Variants in CIB3 observed in about 807,000 individuals in gnomAD.
The protein encoded by CIB3 is calcium and integrin-binding family member 3.
A neutral mutation model predicts 23.4 loss-of-function variants in CIB3; 22 were observed. That is an observed-to-expected ratio of 0.94 (90% CI 0.67 to 1.34). The LOEUF (loss-of-function observed/expected upper bound fraction) is 1.34. Among genes scored for constraint, CIB3 ranks in the 40% most tolerant of loss-of-function variants. The probability of loss-of-function intolerance (pLI) is 0.00; values close to 1 mark genes in which losing one functional copy is unlikely to be tolerated. For synonymous variants in CIB3, 93 were observed against 95.8 expected, an observed-to-expected ratio of 0.97 and a Z score of 0.17; for missense variants, 258 against 247.3, an observed-to-expected ratio of 1.04 and a Z score of -0.29.
At chr19:16,164,696 G>A (rs891041135) in intron 5 of CIB3, 22 bp downstream of exon 5, 11 of 1,607,172 alleles carry the variant, frequency 6.8e-6, no homozygotes, top group Non-Finnish European at 9.4e-6. Flanking sequence ...AATGGACTGT[G>A]GGCGGTGACG....
At chr19:16,173,041 TACACACACACAC>T (rs3076227) in intron 2 of CIB3, 109 bp downstream of exon 2, 614 of 784,018 alleles carry the variant, frequency 7.8e-4, no homozygotes, top group Middle Eastern at 2.3e-3. Context: ...AAAGACTACT[TACACACACACAC>T]ACACACACAC....
intron 5 of CIB3, among the ~76,000 whole-genome samples, chr19:16,164,190 G>A (rs952284727): frequency 6.6e-6 from 1 of 152,128 alleles, no homozygotes; most frequent in African/African-American, 2.4e-5. Flanking sequence ...CCCCAGTTTG[G>A]TCTCAAGCTC....
chr19:16,168,084 T>TCC, intron 4 of CIB3, 53 bp downstream of exon 4: 2 of 1,540,696 alleles, frequency 1.3e-6, no homozygotes, highest in Middle Eastern at 2.3e-4. Context: ...CCCACCCAGT[T>TCC]CCCACTCCCC....
intron 3 of CIB3, 78 bp downstream of exon 3, chr19:16,169,547 AACTGC>A: frequency 1.7e-6 from 2 of 1,208,346 alleles, no homozygotes; most frequent in Non-Finnish European, 2.4e-6. Context: ...AAATGGGGAT[AACTGC>A]AGCACTGACC....
At chr19:16,169,831 G>C (rs901247933) in intron 2 of CIB3, 90 bp from the exon 3 acceptor site, 1 of 1,094,978 alleles carries the variant, frequency 9.1e-7, no homozygotes, top group Non-Finnish European at 1.3e-6. Context: ...ACAGAGTCTC[G>C]GTCTGTCACC....
intron 3 of CIB3, among the ~76,000 whole-genome samples, chr19:16,169,229 C>T (rs969496843): frequency 2.6e-5 from 4 of 152,090 alleles, no homozygotes; most frequent in African/African-American, 4.8e-5. Flanking sequence ...CTGCAACCTC[C>T]ACCTCCTGAG....
intron 5 of CIB3, among the ~76,000 whole-genome samples, chr19:16,162,099 CATT>C (rs898856116): frequency 6.6e-6 from 1 of 151,940 alleles, no homozygotes; most frequent in Admixed American, 6.6e-5. Flanking sequence ...GCTCATCATA[CATT>C]ATATGTATCG....
chr19:16,168,977 C>T (rs2091317009), intron 3 of CIB3, among the ~76,000 whole-genome samples: 1 of 152,180 alleles, frequency 6.6e-6, no homozygotes, highest in Admixed American at 6.5e-5. Flanking sequence ...AGGCACAAAC[C>T]ATGTGTCAAA....
Position 16,164,779 on chromosome 19 carries a change from C to T in CIB3, c.481G>A (p.Asp161Asn). Reference protein sequence around the residue: ...KVLDEADGDHDGRLSLEDFQN... With the variant: ...KVLDEADGDHNGRLSLEDFQN... ...AAATCTTCCAGGGACAGCCGCCCAT[C>T]ATGGTCTCCATCAGCCTCATCCAGC... is the stretch of plus-strand genomic sequence containing the variant. The change falls in exon 5 of 6, where the codon GAT (aspartate) becomes AAT (asparagine). Residue 161 changes from aspartate to asparagine, a missense_variant. Physicochemically the swap from Asp to Asn is conservative, Grantham distance 23 (BLOSUM62 1). Transcript: ENST00000269878. The T allele has an allele frequency of 6.2e-7, 1 of 1,614,088 alleles. No homozygotes were observed. The highest frequency in any genetic ancestry group is 2.2e-5 in the East Asian group (1 of 44,856).
chr19:16,164,772 C>A lies in CIB3; in HGVS notation c.488G>T (p.Arg163Leu). 1 of 1,614,030 alleles carries A rather than the reference C, an allele frequency of 6.2e-7. No individual in the cohort carries two copies. The highest frequency in any genetic ancestry group is 8.5e-7 in the Non-Finnish European group (1 of 1,180,002). ...LDEADGDHDGRLSLEDFQNMI... is the reference protein window; with the variant it reads ...LDEADGDHDGLLSLEDFQNMI... ...GTTCTGGAAATCTTCCAGGGACAGC[C>A]GCCCATCATGGTCTCCATCAGCCTC... Residue 163 changes from arginine (R) to leucine (L), a missense_variant, in exon 5 of 6, where the codon CGG becomes CTG. Arg to Leu is a moderately radical substitution (Grantham distance 102, BLOSUM62 -2). Transcript: ENST00000269878.
rs1255792343 is a variant in CIB3 at position 16,163,246 on chromosome 19, G to A, written c.542+1472C>T. 5.3e-5 allele frequency among the ~76,000 whole-genome samples: 8 copies of A among 152,190 alleles called. No homozygotes were observed. In the South Asian group the frequency reaches 1.7e-3, roughly 32 times the overall value. On this transcript the variant is annotated intron_variant, in intron 5 of 5. Coordinates refer to ENST00000269878, the MANE Select transcript of CIB3 (RefSeq NM_054113.4). The stretch of plus-strand genomic sequence containing the variant: ...TGCACTGCAGTCTGGGTCACTGAGT[G>A]AGACCCTGTCTCAAAACAAACAAAC...
chr19:16,161,673 CTTTTTT>C (rs55969649), intron 5 of CIB3, among the ~76,000 whole-genome samples, 187 bp from the exon 6 acceptor site: 7 of 100,050 alleles, frequency 7.0e-5, no homozygotes, highest in South Asian at 7.2e-4. Flanking sequence ...TTTTTTAATT[CTTTTTT>C]TTTTTTTTTT....
At chr19:16,170,026 T>C (rs1379276985) in intron 2 of CIB3, among the ~76,000 whole-genome samples, 2 of 152,198 alleles carry the variant, frequency 1.3e-5, no homozygotes, top group Non-Finnish European at 2.9e-5. Flanking sequence ...CTCAAACTCC[T>C]GACCTCAGAT....
intron 5 of CIB3, among the ~76,000 whole-genome samples, chr19:16,162,819 A>G (rs1298118630): frequency 1.3e-5 from 2 of 151,756 alleles, no homozygotes; most frequent in East Asian, 1.9e-4. Flanking sequence ...AGCCAGGCAC[A>G]GTGGCACGTA....
chr19:16,162,777 T>A (rs778477631), intron 5 of CIB3, among the ~76,000 whole-genome samples: 72 of 151,580 alleles, frequency 4.7e-4, no homozygotes, highest in African/African-American at 5.3e-4. Context: ...TAAAATAAAT[T>A]AATTAATTAA....
Position 16,169,748 on chromosome 19 carries a change from T to C in CIB3, c.87-7A>G. On this transcript the variant is annotated splice_region_variant and splice_polypyrimidine_tract_variant and intron_variant, in intron 2 of 5. Coordinates refer to ENST00000269878, the MANE Select transcript of CIB3 (RefSeq NM_054113.4). ...CTGGTAGCGATAGAAGAGCCTGATG[T>C]GGGGAGGAAAAAGCTGGGAAAGACT... The C allele has an allele frequency of 6.3e-7, 1 of 1,592,826 alleles. No homozygotes were observed. Among genetic ancestry groups the C allele is most frequent in the Non-Finnish European group, 8.5e-7 (1 of 1,170,500 alleles).
chr19:16,161,800 C>G (rs969641773), intron 5 of CIB3, among the ~76,000 whole-genome samples: 3 of 149,012 alleles, frequency 2.0e-5, no homozygotes, highest in African/African-American at 7.4e-5. Flanking sequence ...GCCTCAGCCT[C>G]CCGAGTAGCT....
At chr19:16,169,807 C>A in intron 2 of CIB3, 66 bp from the exon 3 acceptor site, 1 of 1,390,116 alleles carries the variant, frequency 7.2e-7, no homozygotes, top group Non-Finnish European at 9.7e-7. Flanking sequence ...CTTGTCCCTT[C>A]TTTGTTTTTT....
intron 3 of CIB3, 25 bp downstream of exon 3, chr19:16,169,605 T>C (rs1201325804): frequency 6.3e-7 from 1 of 1,598,396 alleles, no homozygotes; most frequent in Non-Finnish European, 8.6e-7. Flanking sequence ...TTTTTTACCC[T>C]GTTTGTCCCA....
Sources: gnomAD v4.1 joint callset for allele counts (sites outside exome capture counted in the v4.1 genomes callset) on GRCh38, gnomAD v4.1.1 for gene constraint, MANE v1.5 for transcripts, NCBI Gene and HGNC (gene_info 2026-07-23, HGNC 2026-07-21) for gene names.